CEP89: variants seen among roughly 807,000 people sequenced by gnomAD.
The protein encoded by CEP89 is centrosomal protein 89.
A neutral mutation model predicts 97.6 loss-of-function variants in CEP89; 95 were observed. That is an observed-to-expected ratio of 0.97 (90% CI 0.82 to 1.15). The LOEUF is 1.15. CEP89 is among the 50% of genes most tolerant of loss of function. The pLI is 0.00. For missense variants in CEP89, 869 were observed against 947.7 expected (o/e 0.92, Z 1.09); for synonymous variants, 354 against 349.1 (o/e 1.01, Z -0.16).
intron 11 of CEP89, among the ~76,000 whole-genome samples, chr19:32,923,819 T>C (rs1970301974): frequency 6.6e-6 from 1 of 152,184 alleles, no homozygotes; most frequent in African/African-American, 2.4e-5. Context: ...GCTAACATTG[T>C]TCTATAACTG....
intron 9 of CEP89, among the ~76,000 whole-genome samples, chr19:32,928,517 G>A (rs892503274): frequency 2.0e-5 from 3 of 151,950 alleles, no homozygotes; most frequent in Non-Finnish European, 4.4e-5. Context: ...TCTCAGGCAC[G>A]GCCCTCCTGG....
In CEP89 at chr19:32,902,008, C is replaced by CTGTGTGTGTG. The variant is rs1265424963; in HGVS notation, c.1566-597_1566-596insCACACACACA. ...TCTCTGTCTCTCTGTCTCTCTCTCT[C>CTGTGTGTGTG]TCTGTGTGTGTGTGTGTGTGTGTGT... On this transcript the variant is annotated intron_variant, in intron 14 of 18. Transcript: ENST00000305768. Among the ~76,000 whole-genome samples, 339 of 99,626 alleles carry CTGTGTGTGTG rather than the reference C, an allele frequency of 3.4e-3. 2 individuals carry two copies. The highest frequency in any genetic ancestry group is 4.9e-3 in the Non-Finnish European group (236 of 47,916). 65.4% of individuals were successfully genotyped at this position (99,626 alleles called of 152,430 possible).
Position 32,919,987 on chromosome 19 carries a change from A to C in CEP89, c.1269-1648T>G, listed in dbSNP as rs377329197. Among the ~76,000 whole-genome samples the C allele has an allele frequency of 3.0e-3, 455 of 152,160 alleles. 1 individual carries two copies. Among genetic ancestry groups the C allele is most frequent in the African/African-American group, 0.01 (421 of 41,524 alleles). On this transcript the variant is annotated intron_variant, in intron 12 of 18. Transcript: ENST00000305768. ...TATAAGACTTTTTCTTTATTTGTTC[A>C]TTCATTCATTTGTTCACGCCTTCCT...
intron 18 of CEP89, 139 bp downstream of exon 18, chr19:32,881,705 A>T: frequency 1.3e-6 from 1 of 779,002 alleles, no homozygotes; most frequent in African/African-American, 1.7e-5. Flanking sequence ...TGAGACCAAT[A>T]TTACATTCAG....
At chr19:32,918,142 G>A (rs1348202238) in intron 13 of CEP89, 82 bp downstream of exon 13, 13 of 1,162,282 alleles carry the variant, frequency 1.1e-5, no homozygotes, top group Non-Finnish European at 1.0e-5. Context: ...TTCAACTGGG[G>A]CCCCCGGCAG....
intron 16 of CEP89, among the ~76,000 whole-genome samples, chr19:32,898,951 C>T (rs1969703549): frequency 1.3e-5 from 2 of 149,464 alleles, no homozygotes; most frequent in Admixed American, 6.7e-5. Flanking sequence ...TTAATTGTTA[C>T]ACATTCTATG....
intron 14 of CEP89, among the ~76,000 whole-genome samples, chr19:32,904,269 C>T (rs992826680): frequency 6.6e-6 from 1 of 152,206 alleles, no homozygotes; most frequent in Non-Finnish European, 1.5e-5. Flanking sequence ...AGAAAACACA[C>T]GTTATCTTCA....
intron 3 of CEP89, among the ~76,000 whole-genome samples, chr19:32,958,036 A>T (rs1164743183): frequency 1.3e-5 from 2 of 150,758 alleles, no homozygotes; most frequent in Non-Finnish European, 1.5e-5. Flanking sequence ...AAAAAATAAA[A>T]TACAATGGGG....
At position 32,887,933 on chromosome 19, in the gene CEP89, C is replaced by T. The variant is rs1322037628; in HGVS notation, c.1876-92G>A. ...TGCAAAGAGTGTTACTGCTACTGCT[C>T]ACAATCTTCATTCTGCAACCTGTCC... On this transcript the variant is annotated intron_variant, in intron 16 of 18. Coordinates refer to ENST00000305768, the MANE Select transcript of CEP89 (RefSeq NM_032816.5). 6 of 740,858 alleles carry T rather than the reference C, an allele frequency of 8.1e-6. No individual in the cohort carries two copies. In the Admixed American group the frequency reaches 8.8e-5, roughly 11 times the overall value. The allele number at this position is 740,858 out of a possible 1,614,324, so 45.9% of individuals were successfully genotyped here.
chr19:32,940,195 C>T (rs111411206), intron 5 of CEP89, among the ~76,000 whole-genome samples: 2 of 146,910 alleles, frequency 1.4e-5, no homozygotes, highest in South Asian at 2.2e-4. Context: ...CTTCCAACAC[C>T]CCTCCCCATC....
At position 32,880,153 on chromosome 19, in the gene CEP89, C is replaced by T. The variant is rs142167983; in HGVS notation, c.2136-775G>A. Among the ~76,000 whole-genome samples, 542 of 152,294 alleles carry T rather than the reference C, an allele frequency of 3.6e-3. 1 individual carries two copies. Among genetic ancestry groups the T allele is most frequent in the African/African-American group, 0.012 (495 of 41,560 alleles). ...AGTCCACTGGGAATAGACCAGGACACGAGCCACACCTCACAAGGTGCTTAG... is the reference window on the plus strand; with the variant it reads ...AGTCCACTGGGAATAGACCAGGACATGAGCCACACCTCACAAGGTGCTTAG... On this transcript the variant is annotated intron_variant, in intron 18 of 18. Transcript: ENST00000305768.
intron 15 of CEP89, among the ~76,000 whole-genome samples, 194 bp from the exon 16 acceptor site, chr19:32,900,192 A>AC (rs1279134266): frequency 6.6e-6 from 1 of 151,758 alleles, no homozygotes; most frequent in Non-Finnish European, 1.5e-5. Context: ...ATAATTAGTG[A>AC]CCCCAACTCA....
At chr19:32,958,414 G>A (rs767138903) in intron 3 of CEP89, among the ~76,000 whole-genome samples, 15 of 152,166 alleles carry the variant, frequency 9.9e-5, no homozygotes, top group Non-Finnish European at 1.5e-4. Context: ...GCCAGGCATA[G>A]TGGCTCACAC....
intron 14 of CEP89, among the ~76,000 whole-genome samples, chr19:32,914,538 T>C (rs1458437861): frequency 6.6e-6 from 1 of 151,932 alleles, no homozygotes; most frequent in Non-Finnish European, 1.5e-5. Flanking sequence ...TCTCAAAGTG[T>C]TGGGATCACA....
At chr19:32,902,010 C>CTGTGTGTGTGTGTGTGTGTGTGTGTGTG (rs929591410) in intron 14 of CEP89, among the ~76,000 whole-genome samples, 1 of 133,730 alleles carries the variant, frequency 7.5e-6, no homozygotes, top group African/African-American at 2.9e-5. Flanking sequence ...CTCTCTCTCT[C>CTGTGTGTGTGTGTGTGTGTGTGTGTGTG]TGTGTGTGTG....
chr19:32,968,506 C>T (rs1018859594), intron 1 of CEP89, among the ~76,000 whole-genome samples: 8 of 152,154 alleles, frequency 5.3e-5, no homozygotes, highest in Admixed American at 3.9e-4. Context: ...CCTTGGCCTC[C>T]CAAAATACTG....
intron 2 of CEP89, among the ~76,000 whole-genome samples, chr19:32,960,726 G>A (rs1971148924): frequency 6.6e-6 from 1 of 151,660 alleles, no homozygotes; most frequent in South Asian, 2.1e-4. Context: ...AGGAGAATCG[G>A]TTGAACCCGG....
chr19:32,917,932 C>T (rs757556952), intron 13 of CEP89: 15 of 323,658 alleles, frequency 4.6e-5, no homozygotes, highest in Non-Finnish European at 6.7e-5. Context: ...GTGATCATTC[C>T]CATTTCTAAG....
chr19:32,926,809 G>A lies in CEP89; in HGVS notation c.1080+125C>T, dbSNP rs562081013. On this transcript the variant is annotated intron_variant, in intron 10 of 18. Coordinates refer to ENST00000305768, the MANE Select transcript of CEP89 (RefSeq NM_032816.5). ...ACCCTTGACCTCAACTGATCCACCC[G>A]CCTCAGCCTTCCAAAGTGCTGGGAT... 103 of 763,752 alleles carry A rather than the reference G, an allele frequency of 1.3e-4. 1 individual carries two copies. In the East Asian group the frequency reaches 2.2e-3, roughly 17 times the overall value. 47.3% of individuals were successfully genotyped at this position (763,752 alleles called of 1,614,324 possible). A position where few individuals can be genotyped will look rare whatever the true frequency, so the allele number is the denominator to read the frequency against.
Sources: gnomAD v4.1 joint callset for allele counts (sites outside exome capture counted in the v4.1 genomes callset) on GRCh38, gnomAD v4.1.1 for gene constraint, MANE v1.5 for transcripts, NCBI Gene and HGNC (gene_info 2026-07-23, HGNC 2026-07-21) for gene names.